KMT2D: variants seen among roughly 807,000 people sequenced by gnomAD.
The protein encoded by KMT2D is histone-lysine N-methyltransferase 2D.
In KMT2D, 55 loss-of-function variants were observed where a neutral mutation model predicts 512.7. The ratio of observed to expected loss-of-function variants is 0.11; its 90% CI spans 0.09 to 0.13. KMT2D has a LOEUF of 0.13. Among genes scored for constraint, KMT2D ranks in the 10% least tolerant of loss-of-function variants. KMT2D has a pLI of 1.00. For missense variants in KMT2D, 6,061 were observed against 7,127.9 expected (o/e 0.85, Z 5.39); for synonymous variants, 2,995 against 2,904.0 (o/e 1.03, Z -1.01).
intron 49 of KMT2D, among the ~76,000 whole-genome samples, chr12:49,025,913 T>C (rs1349549664): frequency 6.6e-6 from 1 of 152,232 alleles, no homozygotes; most frequent in Non-Finnish European, 1.5e-5. Context: ...CTCAGAACTG[T>C]TTCCTTTTGT....
In KMT2D at chr12:49,038,538, G is replaced by T. The variant is rs1251374196; in HGVS notation, c.8818C>A (p.Pro2940Thr). Reference sequence around the variant, plus strand: ...GGATGAAGACTGTTGTTCAATTCAGGGGCCGGTGGGGCTGAGGGTTTCTGT... The same window carrying T: ...GGATGAAGACTGTTGTTCAATTCAGTGGCCGGTGGGGCTGAGGGTTTCTGT... ...PPQKPSAPPA[P>T]ELNNSLHPTP... is the part of the protein sequence containing the mutation. Residue 2940 changes from proline (P) to threonine (T), a missense_variant, in exon 35 of 55, where the codon CCT (proline) becomes ACT (threonine). This residue lies in a region of KMT2D where 527 missense variants were observed against 578.9 expected (regional missense o/e 0.91). Transcript: ENST00000301067. The surrounding 1 kb of genome is among the most constrained non-coding windows in gnomAD (Gnocchi z 5.7). 1 of 1,611,136 alleles carries T rather than the reference G, an allele frequency of 6.2e-7. No individual in the cohort carries two copies. The highest frequency in any genetic ancestry group is 1.7e-5 in the Admixed American group (1 of 59,958).
intron 40 of KMT2D, 48 bp downstream of exon 40, chr12:49,031,127 T>C (rs1942886264): frequency 6.2e-7 from 1 of 1,609,544 alleles, no homozygotes; most frequent in Non-Finnish European, 8.5e-7. Flanking sequence ...TGCCCCCCGC[T>C]GGCTCTAGGA....
chr12:49,052,332 G>C lies in KMT2D; in HGVS notation c.1351C>G (p.Pro451Ala), dbSNP rs2120685417. Residue 451 changes from proline (P) to alanine (A), a missense_variant, in exon 11 of 55, where the codon CCA (proline) becomes GCA (alanine). By Grantham distance (27) the Pro-to-Ala change is conservative. Transcript: ENST00000301067. The part of the protein sequence containing the change: ...LPPPEESPLS[P>A]PPEESPTSPP... ...GACGTGGGTGATTCCTCAGGTGGTG[G>C]GGACAGGGGTGACTCCTCAGGTGGG... is the stretch of plus-strand genomic sequence containing the variant. 6.4e-7 allele frequency: 1 copy of C among 1,566,792 alleles called. No homozygotes were observed.
rs2120536293 is a variant in KMT2D, at chr12:49,040,843, T to C, written c.6927A>G (p.Ser2309=). 1 of 1,613,190 alleles carries C rather than the reference T, an allele frequency of 6.2e-7. No individual in the cohort carries two copies. The highest frequency in any genetic ancestry group is 8.5e-7 in the Non-Finnish European group (1 of 1,179,596). ...CACCCAGGTGGGTGCCTGAGGAGGG[T>C]GAGTCAACAAAGCCCAGGTTTGGGG... ...YGPPNLGFVD[S]PSSGTHLGGL... Residue 2309 remains serine (S), a synonymous_variant, in exon 32 of 55, where the codon TCA becomes TCG. Transcript: ENST00000301067.
At chr12:49,057,916 G>A (rs1434302140) in intron 1 of KMT2D, among the ~76,000 whole-genome samples, 1 of 152,208 alleles carries the variant, frequency 6.6e-6, no homozygotes, top group Non-Finnish European at 1.5e-5. Flanking sequence ...ATACCTAAGA[G>A]GTCCAAAACA....
rs373731411 is a variant in KMT2D at position 49,028,129 on chromosome 12, C to T, written c.14395G>A (p.Val4799Met). ...SAAAAKNLNG[V>M]MVAVAELLSM... ...AGCAGCTCCGCCACTGCCACCATCA[C>T]GCCATTCAGGTTCTGCCAGGGCCAG... Residue 4799 changes from valine (V) to methionine (M), a missense_variant, in exon 47 of 55, where the codon GTG (valine) becomes ATG (methionine). By Grantham distance (21) the Val-to-Met change is conservative. Coordinates refer to ENST00000301067, the MANE Select transcript of KMT2D (RefSeq NM_003482.4). The T allele has an allele frequency of 9.9e-6, 16 of 1,613,998 alleles. No homozygotes were observed. Among genetic ancestry groups the T allele is most frequent in the African/African-American group, 8.0e-5 (6 of 75,050 alleles).
At chr12:49,059,219 C>A (rs1938591146) in intron 1 of KMT2D, among the ~76,000 whole-genome samples, 1 of 152,120 alleles carries the variant, frequency 6.6e-6, no homozygotes, top group Non-Finnish European at 1.5e-5. Flanking sequence ...CACCCTCCCC[C>A]ACCATCCCAA....
rs1943336108 is a variant in KMT2D, at chr12:49,038,568, G to A, written c.8788C>T (p.Pro2930Ser). The part of the protein sequence containing the change: ...GLRGLAVSGL[P>S]PQKPSAPPAP... Reference sequence around the variant, plus strand: ...GGTGGGGCTGAGGGTTTCTGTGGGGGAAGACCTGATACCGCCAGGCCCCGA... The same window carrying A: ...GGTGGGGCTGAGGGTTTCTGTGGGGAAAGACCTGATACCGCCAGGCCCCGA... The change falls in exon 35 of 55, where the codon CCC (proline) becomes TCC (serine). Residue 2930 changes from proline (P) to serine (S), a missense_variant. Physicochemically the swap from Pro to Ser is moderately conservative, Grantham distance 74 (BLOSUM62 -1). Transcript: ENST00000301067. This position sits in a 1 kb window ranked among gnomAD's most constrained non-coding sequence, Gnocchi z 5.7. The A allele has an allele frequency of 1.2e-6, 2 of 1,612,546 alleles. No individual in the cohort carries two copies. The highest frequency in any genetic ancestry group is 1.7e-6 in the Non-Finnish European group (2 of 1,179,118).
At chr12:49,037,069 T>C (rs1346675782) in intron 35 of KMT2D, 56 bp downstream of exon 35, 1 of 1,517,910 alleles carries the variant, frequency 6.6e-7, no homozygotes, top group Non-Finnish European at 8.8e-7. Flanking sequence ...CAGTGCCCAT[T>C]TAGGGATAAC....
rs1225508238 is a variant in KMT2D at position 49,041,423 on chromosome 12, G to T, written c.6347C>A (p.Pro2116Gln). The change falls in exon 32 of 55, where the codon CCG (proline) becomes CAG (glutamine). Residue 2116 changes from proline (P) to glutamine (Q), a missense_variant. Pro to Gln is a moderately conservative substitution (Grantham distance 76). Coordinates refer to ENST00000301067, the MANE Select transcript of KMT2D (RefSeq NM_003482.4). The surrounding 1 kb of genome is among the most constrained non-coding windows in gnomAD (Gnocchi z 5.4). ...IPPQPGALGS[P>Q]PPAAAPTIFI... ...AATGGTGGGGGCAGCAGCGGGGGGC[G>T]GGCTGCCCAGTGCCCCTGGCTGCGG... is the stretch of plus-strand genomic sequence containing the variant. 2 of 1,605,782 alleles carry T rather than the reference G, an allele frequency of 1.2e-6. No individual in the cohort carries two copies. The highest frequency in any genetic ancestry group is 1.7e-6 in the Non-Finnish European group (2 of 1,173,292).
Position 49,040,028 on chromosome 12 carries a change from G to T in KMT2D, c.7742C>A (p.Thr2581Lys), listed in dbSNP as rs1279423485. 6 of 1,613,648 alleles carry T rather than the reference G, an allele frequency of 3.7e-6. No individual in the cohort carries two copies. The highest frequency in any genetic ancestry group is 5.1e-6 in the Non-Finnish European group (6 of 1,179,816). ...TLGKPQSTNY[T>K]VATGNFHPSG... ...TGGGTGGAAGTTCCCTGTGGCTACT[G>T]TGTAGTTTGTGCTTTGAGGCTTGCC... is the stretch of plus-strand genomic sequence containing the variant. The change falls in exon 32 of 55, where the codon ACA (threonine) becomes AAA (lysine). Residue 2581 changes from threonine (T) to lysine (K), a missense_variant. By Grantham distance (78) the Thr-to-Lys change is moderately conservative. This residue lies in a region of KMT2D where 527 missense variants were observed against 578.9 expected (regional missense o/e 0.91). Transcript: ENST00000301067.
In KMT2D at chr12:49,045,472, T is replaced by A. The variant is rs575493782; in HGVS notation, c.4741+448A>T. 8.6e-4 allele frequency among the ~76,000 whole-genome samples: 131 copies of A among 151,952 alleles called. 2 individuals carry two copies. The highest frequency in any genetic ancestry group is 2.8e-4 in the Non-Finnish European group (19 of 67,938). On this transcript the variant is annotated intron_variant, in intron 19 of 54. Coordinates refer to ENST00000301067, the MANE Select transcript of KMT2D (RefSeq NM_003482.4). ...TCCTGGCTAACACGGTGAAACCCCA[T>A]CTCTACTAAAAAATACAAAAAATTA...
Position 49,054,969 on chromosome 12 carries a change from G to A in KMT2D, c.107C>T (p.Pro36Leu), listed in dbSNP as rs751629550. 2.5e-6 allele frequency: 4 copies of A among 1,613,978 alleles called. No homozygotes were observed. The highest frequency in any genetic ancestry group is 2.2e-5 in the South Asian group (2 of 91,076). The change falls in exon 3 of 55, where the codon CCA becomes CTA. Residue 36 changes from proline (P) to leucine (L), a missense_variant. Pro to Leu is a moderately conservative substitution (Grantham distance 98). Transcript: ENST00000301067. This position sits in a 1 kb window ranked among gnomAD's most constrained non-coding sequence, Gnocchi z 6.4. The stretch of plus-strand genomic sequence containing the variant: ...AAGGACAGAGACCTCTCCCACATGT[G>A]GGTTGGGCAGGTCTGACTCAGTGGC... Reference protein sequence around the residue: ...PSATESDLPNPHVGEVSVLSS... With the variant: ...PSATESDLPNLHVGEVSVLSS...
chr12:49,038,016 C>G lies in KMT2D; in HGVS notation c.9340G>C (p.Val3114Leu), dbSNP rs938880279. Residue 3114 changes from valine to leucine, a missense_variant, in exon 35 of 55, where the codon GTG becomes CTG. Val to Leu is a conservative substitution (Grantham distance 32). Coordinates refer to ENST00000301067, the MANE Select transcript of KMT2D (RefSeq NM_003482.4). The surrounding 1 kb of genome is among the most constrained non-coding windows in gnomAD (Gnocchi z 5.7). ...ADASEPRLASVLPEVKPKVEE... is the reference protein window; with the variant it reads ...ADASEPRLASLLPEVKPKVEE... Reference sequence around the variant, plus strand: ...ACCTTGGGCTTCACCTCAGGGAGCACAGATGCCAGGCGGGGTTCAGAGGCA... The same window carrying G: ...ACCTTGGGCTTCACCTCAGGGAGCAGAGATGCCAGGCGGGGTTCAGAGGCA... 1.9e-6 allele frequency: 3 copies of G among 1,607,644 alleles called. No individual in the cohort carries two copies. The highest frequency in any genetic ancestry group is 2.2e-5 in the South Asian group (2 of 90,216).
intron 1 of KMT2D, among the ~76,000 whole-genome samples, chr12:49,058,546 T>C (rs1938547547): frequency 6.6e-6 from 1 of 151,936 alleles, no homozygotes; most frequent in Admixed American, 6.6e-5. Context: ...GCCCACAGGA[T>C]TGAGGCTCAA....
At chr12:49,056,559 C>T (rs1938422747) in intron 1 of KMT2D, among the ~76,000 whole-genome samples, 1 of 152,122 alleles carries the variant, frequency 6.6e-6, no homozygotes, top group Non-Finnish European at 1.5e-5. Context: ...GAAATGTAGA[C>T]CCTTTCTCTT....
rs1943434970 is a variant in KMT2D, at chr12:49,040,135, A to G, written c.7635T>C (p.Pro2545=). ...RFTFPQAVGE[P]SLKPPVPQPG... ...GCTGAGGGACAGGGGGCTTTAGGGA[A>G]GGCTCCCCTACTGCCTGAGGGAAAG... The change falls in exon 32 of 55, where the codon CCT becomes CCC. Residue 2545 remains proline (P), a synonymous_variant. Transcript: ENST00000301067. The G allele has an allele frequency of 6.2e-7, 1 of 1,613,858 alleles. No homozygotes were observed. Among genetic ancestry groups the G allele is most frequent in the East Asian group, 2.2e-5 (1 of 44,878 alleles).
chr12:49,048,101 A>G (rs953813294), intron 14 of KMT2D, 32 bp from the exon 15 acceptor site: 1 of 1,437,458 alleles, frequency 7.0e-7, no homozygotes, highest in Non-Finnish European at 9.8e-7. Context: ...CAAATGTCCA[A>G]CTAGATCTCC....
chr12:49,060,722 TG>T lies in KMT2D; in HGVS notation c.-1148del. On this transcript the variant is annotated 5_prime_UTR_variant, in exon 1 of 55. Transcript: ENST00000301067. ...CGGCGCTAGATCCGGGGGGGCCTTT[TG>T]CCCGGGGCACCCCACTCGAGAGGGG... Among the ~76,000 whole-genome samples the T allele has an allele frequency of 6.6e-6, 1 of 152,338 alleles. No individual in the cohort carries two copies. The highest frequency in any genetic ancestry group is 1.9e-4 in the East Asian group (1 of 5,180).
Sources: allele counts gnomAD v4.1 joint callset (sites outside exome capture counted in the v4.1 genomes callset), GRCh38; gene constraint gnomAD v4.1.1; regional missense constraint gnomAD v4.1.1; non-coding constraint Gnocchi (gnomAD v3.1); transcripts MANE v1.5; gene names NCBI Gene and HGNC (gene_info 2026-07-23, HGNC 2026-07-21).